Variants in PLPPR5 observed in about 807,000 individuals in gnomAD.
PLPPR5 encodes phospholipid phosphatase related 5, also known as phospholipid phosphatase-related protein type 5.
Under a neutral mutation model 33.9 loss-of-function variants are expected in PLPPR5, and 16 were observed. The ratio of observed to expected loss-of-function variants is 0.47; its 90% confidence interval spans 0.32 to 0.72. The LOEUF (loss-of-function observed/expected upper bound fraction) is 0.72. PLPPR5 is among the 30% of genes least tolerant of loss of function. The pLI is 0.03. For missense variants in PLPPR5, 301 were observed against 406.7 expected (o/e 0.74, Z 2.23); for synonymous variants, 163 against 150.3 (o/e 1.08, Z -0.62).
At chr1:98,906,061 T>C (rs959419844) in intron 5 of PLPPR5, among the ~76,000 whole-genome samples, 4 of 151,982 alleles carry the variant, frequency 2.6e-5, no homozygotes, top group African/African-American at 9.7e-5. Context: ...ATTGTGGTTG[T>C]GTTAGTTTTC....
intron 1 of PLPPR5, among the ~76,000 whole-genome samples, chr1:98,965,462 C>T (rs1002378083): frequency 5.4e-4 from 83 of 152,312 alleles, no homozygotes; most frequent in African/African-American, 1.9e-3. Flanking sequence ...TCTTTGAGGA[C>T]AGGTCTGGTA....
At chr1:98,991,705 A>G (rs11166152) in intron 1 of PLPPR5, among the ~76,000 whole-genome samples, 28,255 of 152,082 alleles carry the variant, frequency 0.19, 2,662 homozygotes, top group East Asian at 0.26. Flanking sequence ...GAGATTCAGA[A>G]AGACAGACTT....
At chr1:98,989,966 A>C (rs958479951) in intron 1 of PLPPR5, among the ~76,000 whole-genome samples, 3 of 152,174 alleles carry the variant, frequency 2.0e-5, no homozygotes, top group African/African-American at 7.2e-5. Context: ...ATTTGTTGTA[A>C]TTTTTTGACA....
chr1:98,929,059 A>G (rs1649869732), intron 3 of PLPPR5, among the ~76,000 whole-genome samples: 1 of 152,164 alleles, frequency 6.6e-6, no homozygotes, highest in Non-Finnish European at 1.5e-5. Context: ...GTAAGCTTTG[A>G]GGAAAAGTTC....
chr1:98,977,419 T>C (rs1331666453), intron 1 of PLPPR5, among the ~76,000 whole-genome samples: 1 of 151,484 alleles, frequency 6.6e-6, no homozygotes, highest in Non-Finnish European at 1.5e-5. Flanking sequence ...TTCCTTATTT[T>C]TTTCTCCCAT....
intron 1 of PLPPR5, among the ~76,000 whole-genome samples, chr1:98,970,401 G>A (rs1204256236): frequency 6.6e-6 from 1 of 151,998 alleles, no homozygotes; most frequent in Non-Finnish European, 1.5e-5. Flanking sequence ...TAACAGCTTG[G>A]AATGGGTTGA....
At chr1:98,902,914 G>T (rs1008022762) in intron 5 of PLPPR5, among the ~76,000 whole-genome samples, 1 of 151,976 alleles carries the variant, frequency 6.6e-6, no homozygotes, top group South Asian at 2.1e-4. Context: ...TTTATAAAAG[G>T]CCTGTTAGAT....
intron 1 of PLPPR5, among the ~76,000 whole-genome samples, chr1:99,000,422 A>T (rs1218390694): frequency 6.6e-6 from 1 of 152,202 alleles, no homozygotes; most frequent in Non-Finnish European, 1.5e-5. Flanking sequence ...AAAATCTCTC[A>T]GCCTGGCATG....
intron 3 of PLPPR5, among the ~76,000 whole-genome samples, chr1:98,952,543 G>A (rs142927099): frequency 2.5e-3 from 386 of 152,240 alleles, no homozygotes; most frequent in African/African-American, 9.0e-3. Context: ...ATACTCTCAA[G>A]ACTAAAGGAA....
At chr1:98,999,581 C>T (rs1334624969) in intron 1 of PLPPR5, among the ~76,000 whole-genome samples, 1 of 152,154 alleles carries the variant, frequency 6.6e-6, no homozygotes, top group East Asian at 1.9e-4. Context: ...ACATCTGAAA[C>T]CCATGTCTGT....
chr1:99,003,304 AG>A (rs1557700238), intron 1 of PLPPR5, among the ~76,000 whole-genome samples: 1 of 151,628 alleles, frequency 6.6e-6, no homozygotes, highest in East Asian at 1.9e-4. Flanking sequence ...TTAAAAAAAA[AG>A]ATGAACATCC....
At chr1:98,953,355 T>TGTGTG (rs1650860407) in intron 2 of PLPPR5, 35 bp from the exon 3 acceptor site, 5 of 1,378,772 alleles carry the variant, frequency 3.6e-6, no homozygotes, top group African/African-American at 1.7e-5. Flanking sequence ...AACTTCTTGC[T>TGTGTG]TGTGTGTGTG....
rs145083223 is a variant in PLPPR5 at position 98,987,322 on chromosome 1, G to C, written c.237+17113C>G. On this transcript the variant is annotated intron_variant, in intron 1 of 5. Coordinates refer to ENST00000263177, the MANE Select transcript of PLPPR5 (RefSeq NM_001037317.2). ...TATGGGAAGCACTTTCAAATATTAA[G>C]TGATTTTTCTTTAAGTGATATTTAT... Among the ~76,000 whole-genome samples the C allele has an allele frequency of 2.5e-3, 383 of 151,880 alleles. 1 individual carries two copies. Among genetic ancestry groups the C allele is most frequent in the African/African-American group, 8.8e-3 (365 of 41,524 alleles).
rs1445108018 is a variant in PLPPR5 at position 98,952,582 on chromosome 1, T to A, written c.621+488A>T. 2.0e-5 allele frequency among the ~76,000 whole-genome samples: 3 copies of A among 152,354 alleles called. No homozygotes were observed. The East Asian group carries it at 5.8e-4, about 29-fold the overall frequency. ...ATAGAATTTCTAAGGACACTTTGGT[T>A]AGTTCTATGAGAAAACGTTAAACGC... On this transcript the variant is annotated intron_variant, in intron 3 of 5. Coordinates refer to ENST00000263177, the MANE Select transcript of PLPPR5 (RefSeq NM_001037317.2).
At chr1:98,975,281 T>C (rs1651806849) in intron 1 of PLPPR5, among the ~76,000 whole-genome samples, 1 of 152,032 alleles carries the variant, frequency 6.6e-6, no homozygotes, top group Admixed American at 6.6e-5. Flanking sequence ...GCATAATAGG[T>C]TTTTGTGTCC....
Position 99,004,775 on chromosome 1 carries a change from CGGCGGGAGGACGAGGCACGGGA to C in PLPPR5, c.-126_-105del. The stretch of plus-strand genomic sequence containing the variant: ...GCCACCGGGGGCGCGGCGGCGGAGG[CGGCGGGAGGACGAGGCACGGGA>C]GGCGGGATGGAGCCGCTGGAGGAAG... On this transcript the variant is annotated 5_prime_UTR_variant, in exon 1 of 6. Coordinates refer to ENST00000263177, the MANE Select transcript of PLPPR5 (RefSeq NM_001037317.2). The C allele has an allele frequency of 1.5e-6, 1 of 685,640 alleles. No individual in the cohort carries two copies. The highest frequency in any genetic ancestry group is 3.5e-4 in the Middle Eastern group (1 of 2,834). The allele number at this position is 685,640 out of a possible 1,614,324, so 42.5% of individuals were successfully genotyped here.
chr1:98,893,733 G>A (rs972745867), intron 5 of PLPPR5, among the ~76,000 whole-genome samples: 1 of 147,784 alleles, frequency 6.8e-6, no homozygotes, highest in Non-Finnish European at 1.5e-5. Flanking sequence ...CATGCCTGCT[G>A]AAATACTGCA....
chr1:98,910,893 T>G (rs1223272973), intron 5 of PLPPR5, among the ~76,000 whole-genome samples: 6 of 151,686 alleles, frequency 4.0e-5, no homozygotes, highest in Non-Finnish European at 7.4e-5. Flanking sequence ...AGAGTGTTTT[T>G]TTTTTTTTTT....
chr1:98,946,122 G>C (rs1570721989), intron 3 of PLPPR5, among the ~76,000 whole-genome samples: 1 of 152,162 alleles, frequency 6.6e-6, no homozygotes. Context: ...CTGAGACTCT[G>C]TCTAGGGATT....
Sources: gnomAD v4.1 joint callset for allele counts (sites outside exome capture counted in the v4.1 genomes callset) on GRCh38, gnomAD v4.1.1 for gene constraint, MANE v1.5 for transcripts, NCBI Gene and HGNC (gene_info 2026-07-23, HGNC 2026-07-21) for gene names.